Variants in CGNL1 observed in about 807,000 individuals in gnomAD.
The protein encoded by CGNL1 is cingulin like 1.
In CGNL1, 132 loss-of-function variants were observed where a neutral mutation model predicts 141.2. That is an observed-to-expected ratio of 0.93 (90% CI 0.81 to 1.08). The LOEUF (loss-of-function observed/expected upper bound fraction) is 1.08. Ranked by LOEUF, CGNL1 falls within the 50% of genes least tolerant of loss-of-function variation. CGNL1 has a pLI of 0.00. For missense variants in CGNL1, 1,870 were observed against 1,588.6 expected (o/e 1.18, Z -3.01); for synonymous variants, 690 against 622.1 (o/e 1.11, Z -1.63).
Position 57,438,501 on chromosome 15 carries a change from C to T in CGNL1, c.502C>T (p.Gln168Ter), listed in dbSNP as rs769318511. ...EKNELNLQNH[Q>*]PSESNWLKTL... ...GAATGAGTTGAATTTACAAAATCAC[C>T]AGCCTTCTGAGAGTAATTGGCTAAA... is the stretch of plus-strand genomic sequence containing the variant. The change falls in exon 2 of 19, where the codon CAG (glutamine) becomes TAG (stop). Residue 168 changes from glutamine to a stop codon, truncating the protein, a stop_gained. Coordinates refer to ENST00000281282, the MANE Select transcript of CGNL1 (RefSeq NM_032866.5). LOFTEE classifies it high-confidence loss of function. 2.5e-6 allele frequency: 4 copies of T among 1,614,138 alleles called. No individual in the cohort carries two copies. Among genetic ancestry groups the T allele is most frequent in the South Asian group, 1.1e-5 (1 of 91,078 alleles).
chr15:57,504,389 C>G (rs1412261048), intron 8 of CGNL1, among the ~76,000 whole-genome samples: 1 of 152,280 alleles, frequency 6.6e-6, no homozygotes, highest in East Asian at 1.9e-4. Context: ...CAGGCTCTTT[C>G]CTTGTTACAG....
intron 12 of CGNL1, 23 bp downstream of exon 12, chr15:57,524,774 C>A: frequency 1.2e-6 from 2 of 1,610,988 alleles, no homozygotes; most frequent in South Asian, 1.1e-5. Flanking sequence ...CAGATAAGTT[C>A]TTCCTTTATC....
At chr15:57,463,519 C>G (rs1473174127) in intron 8 of CGNL1, among the ~76,000 whole-genome samples, 1 of 152,230 alleles carries the variant, frequency 6.6e-6, no homozygotes, top group African/African-American at 2.4e-5. Flanking sequence ...TGGACAGTTT[C>G]CAGGCACCGG....
chr15:57,378,350 T>A (rs1448579271), intron 1 of CGNL1, among the ~76,000 whole-genome samples: 11 of 121,054 alleles, frequency 9.1e-5, no homozygotes, highest in African/African-American at 3.0e-4. Context: ...TCTTAGGGGG[T>A]GGCCCTCTAT....
At chr15:57,503,413 G>C (rs2064055326) in intron 8 of CGNL1, among the ~76,000 whole-genome samples, 2 of 152,184 alleles carry the variant, frequency 1.3e-5, no homozygotes, top group Admixed American at 1.3e-4. Flanking sequence ...ATGACAGCAG[G>C]TGACCTGGCT....
At chr15:57,536,481 G>C (rs2140205178) in intron 14 of CGNL1, among the ~76,000 whole-genome samples, 1 of 151,670 alleles carries the variant, frequency 6.6e-6, no homozygotes, top group African/African-American at 2.4e-5. Flanking sequence ...AAGGAGAAGG[G>C]ATGGATTTGG....
In CGNL1 at chr15:57,376,563, C is replaced by G. The variant is rs1288292064; in HGVS notation, c.-20C>G. 7 of 153,020 alleles carry G rather than the reference C, an allele frequency of 4.6e-5. No individual in the cohort carries two copies. The highest frequency in any genetic ancestry group is 1.7e-4 in the African/African-American group (7 of 41,312). The allele number at this position is 153,020 out of a possible 1,614,324, so 9.5% of individuals were successfully genotyped here. On this transcript the variant is annotated 5_prime_UTR_variant, in exon 1 of 19. Transcript: ENST00000281282. ...AGCTGGACGCGGGAGGAGGCGGCGG[C>G]GGCGGTGAGTGAGCTCCGGGCTGGA... is the stretch of plus-strand genomic sequence containing the variant.
intron 8 of CGNL1, among the ~76,000 whole-genome samples, chr15:57,508,641 G>A (rs1217061354): frequency 1.3e-5 from 2 of 152,238 alleles, no homozygotes; most frequent in Admixed American, 1.3e-4. Context: ...CCAAATCCCA[G>A]GCACTGAGAA....
At position 57,525,705 on chromosome 15, in the gene CGNL1, A is replaced by G. The variant is rs80004695; in HGVS notation, c.3039+954A>G. On this transcript the variant is annotated intron_variant, in intron 12 of 18. Coordinates refer to ENST00000281282, the MANE Select transcript of CGNL1 (RefSeq NM_032866.5). ...AAACTTTAATTTCTTTGATGATCAA[A>G]GAAAAGTCACCCATGAGTCAGTGCT... is the stretch of plus-strand genomic sequence containing the variant. Among the ~76,000 whole-genome samples the G allele has an allele frequency of 2.2e-3, 338 of 152,296 alleles. 1 individual carries two copies. The highest frequency in any genetic ancestry group is 7.7e-3 in the African/African-American group (321 of 41,550).
chr15:57,508,219 A>C (rs2064131115), intron 8 of CGNL1, among the ~76,000 whole-genome samples: 1 of 130,146 alleles, frequency 7.7e-6, no homozygotes, highest in Admixed American at 8.6e-5. Context: ...ACAAACAAAA[A>C]GAGCTTATCA....
At chr15:57,404,820 T>C (rs2062697122) in intron 1 of CGNL1, among the ~76,000 whole-genome samples, 1 of 152,174 alleles carries the variant, frequency 6.6e-6, no homozygotes, top group South Asian at 2.1e-4. Flanking sequence ...AAGAGGGTAC[T>C]TGGGAATCAA....
At chr15:57,542,344 A>G (rs1367362307) in intron 14 of CGNL1, among the ~76,000 whole-genome samples, 1 of 152,126 alleles carries the variant, frequency 6.6e-6, no homozygotes, top group Non-Finnish European at 1.5e-5. Flanking sequence ...AGGTGGTTTT[A>G]TTTTACTGGC....
intron 1 of CGNL1, among the ~76,000 whole-genome samples, chr15:57,427,463 C>T (rs759932967): frequency 1.3e-5 from 2 of 152,080 alleles, no homozygotes; most frequent in African/African-American, 4.8e-5. Context: ...GAATCGATGA[C>T]GCCCAGGGAG....
intron 1 of CGNL1, among the ~76,000 whole-genome samples, chr15:57,436,857 TAATA>T (rs1228615146): frequency 6.6e-6 from 1 of 152,128 alleles, no homozygotes; most frequent in Non-Finnish European, 1.5e-5. Flanking sequence ...CAACATTAGA[TAATA>T]AATGATTTAT....
chr15:57,531,709 A>G lies in CGNL1; in HGVS notation c.3221A>G (p.Glu1074Gly). 4 of 1,612,648 alleles carry G rather than the reference A, an allele frequency of 2.5e-6. No homozygotes were observed. The highest frequency in any genetic ancestry group is 3.4e-6 in the Non-Finnish European group (4 of 1,178,642). The change falls in exon 14 of 19, where the codon GAG (glutamate) becomes GGG (glycine). Residue 1074 changes from glutamate (E) to glycine (G), a missense_variant. Physicochemically the swap from Glu to Gly is moderately conservative, Grantham distance 98 (BLOSUM62 -2). Coordinates refer to ENST00000281282, the MANE Select transcript of CGNL1 (RefSeq NM_032866.5). ...TCTTAGGACAAGGTGTCTCAACTGG[A>G]GATGGAACTGGAAGAAGAGAGAAAC... ...KQMEDKVSQL[E>G]MELEEERNNS... is the part of the protein sequence containing the mutation.
chr15:57,469,478 C>A (rs1189148199), intron 8 of CGNL1, among the ~76,000 whole-genome samples: 1 of 151,586 alleles, frequency 6.6e-6, no homozygotes, highest in Non-Finnish European at 1.5e-5. Flanking sequence ...TGAAGAGAAG[C>A]AGCCACATCC....
chr15:57,498,786 G>C (rs566364046), intron 8 of CGNL1, among the ~76,000 whole-genome samples: 1 of 152,172 alleles, frequency 6.6e-6, no homozygotes, highest in East Asian at 1.9e-4. Context: ...AGAGTCTTCA[G>C]GCAGACACGC....
intron 8 of CGNL1, among the ~76,000 whole-genome samples, chr15:57,496,099 G>A (rs1360747014): frequency 2.0e-5 from 3 of 152,128 alleles, no homozygotes; most frequent in African/African-American, 4.8e-5. Flanking sequence ...CTGGGAAAAT[G>A]TTCTCAGGGT....
At chr15:57,493,246 A>G (rs938897617) in intron 8 of CGNL1, among the ~76,000 whole-genome samples, 3 of 152,188 alleles carry the variant, frequency 2.0e-5, no homozygotes, top group African/African-American at 7.2e-5. Flanking sequence ...GCTGAAGAAG[A>G]TGATCCTTAC....
Sources: gnomAD v4.1 joint callset for allele counts (sites outside exome capture counted in the v4.1 genomes callset) on GRCh38, gnomAD v4.1.1 for gene constraint, MANE v1.5 for transcripts, NCBI Gene and HGNC (gene_info 2026-07-23, HGNC 2026-07-21) for gene names.